TMBIM1: variants seen among roughly 807,000 people sequenced by gnomAD.
TMBIM1 encodes the protein protein lifeguard 3.
A neutral mutation model predicts 45.1 loss-of-function variants in TMBIM1; 34 were observed. The observed-to-expected ratio is 0.75, with a 90% CI of 0.57 to 1.00. The LOEUF (loss-of-function observed/expected upper bound fraction) is 1.00, where lower values mean the gene tolerates loss of function less well. Among genes scored for constraint, TMBIM1 ranks in the 50% least tolerant of loss-of-function variants. The pLI, the probability that TMBIM1 is intolerant of heterozygous loss-of-function variation, is 0.00. For missense variants in TMBIM1, 374 were observed against 402.4 expected (o/e 0.93, Z 0.60); for synonymous variants, 157 against 153.5 (o/e 1.02, Z -0.17).
chr2:218,277,406 A>G lies in TMBIM1; in HGVS notation c.599T>C (p.Val200Ala). The G allele has an allele frequency of 6.2e-7, 1 of 1,614,170 alleles. No homozygotes were observed. Among genetic ancestry groups the G allele is most frequent in the Non-Finnish European group, 8.5e-7 (1 of 1,180,038 alleles). Residue 200 changes from valine to alanine, a missense_variant, in exon 9 of 12, where the codon GTG becomes GCG. Val to Ala is a moderately conservative substitution (Grantham distance 64). Transcript: ENST00000258412. ...AVIIAMIITA[V>A]VSISVTIFCF... ...GAAGATGGTGACTGAAATGGATACC[A>G]CCGCAGTGATGATCATTGCAATGAT...
Position 218,277,423 on chromosome 2 carries a change from T to C in TMBIM1, c.582A>G (p.Ala194=), listed in dbSNP as rs984137348. The change falls in exon 9 of 12, where the codon GCA becomes GCG. Residue 194 remains alanine (A), a synonymous_variant. Transcript: ENST00000258412. ...TGGATACCACCGCAGTGATGATCAT[T>C]GCAATGATGACGGCTTTGGTTTGGT... ...SMYQTKAVII[A]MIITAVVSIS... The C allele has an allele frequency of 3.7e-6, 6 of 1,614,040 alleles. No homozygotes were observed. The Admixed American group carries it at 5.0e-5, about 13-fold the overall frequency.
intron 6 of TMBIM1, 166 bp from the exon 7 acceptor site, chr2:218,278,140 G>A: frequency 2.9e-6 from 2 of 690,280 alleles, no homozygotes; most frequent in Admixed American, 2.7e-5. Context: ...TGGTACGCAG[G>A]GACAACATGG....
chr2:218,276,716 C>T (rs1292532426), intron 10 of TMBIM1, among the ~76,000 whole-genome samples: 1 of 152,228 alleles, frequency 6.6e-6, no homozygotes, highest in African/African-American at 2.4e-5. Flanking sequence ...CCTCCGAGAA[C>T]CTGATTCTCA....
Position 218,280,089 on chromosome 2 carries a change from CACT to C in TMBIM1, c.237_239del (p.Val80del). ...ACTCTCCAGGCCCGAAGCTATCACT[CACT>C]GCTCTCTCCTCCCCATCATAGCCAT... On this transcript the variant is annotated inframe_deletion, in exon 3 of 12. Transcript: ENST00000258412. 1.2e-6 allele frequency: 2 copies of C among 1,614,170 alleles called. No individual in the cohort carries two copies. The highest frequency in any genetic ancestry group is 8.5e-7 in the Non-Finnish European group (1 of 1,179,990).
rs1285133898 is a variant in TMBIM1 at position 218,274,997 on chromosome 2, CTA to C, written c.*476_*477del. The C allele has an allele frequency of 1.3e-5, 2 of 153,988 alleles. No individual in the cohort carries two copies. The highest frequency in any genetic ancestry group is 2.9e-5 in the Non-Finnish European group (2 of 68,966). The allele number at this position is 153,988 out of a possible 1,614,324, so 9.5% of individuals were successfully genotyped here. ...AGCCAAAGGAATACAGGATAATGGC[CTA>C]TGTGTCCAGGAGGCCGGGGACAAAG... On this transcript the variant is annotated 3_prime_UTR_variant, in exon 12 of 12. Transcript: ENST00000258412.
intron 7 of TMBIM1, 97 bp from the exon 8 acceptor site, chr2:218,277,767 ACGC>A: frequency 6.4e-7 from 1 of 1,574,468 alleles, no homozygotes; most frequent in Non-Finnish European, 8.7e-7. Flanking sequence ...GAGCTGGGGA[ACGC>A]CACCAAGTTG....
In TMBIM1 at chr2:218,292,135, G is replaced by A. The variant is rs534324271; in HGVS notation, c.-41+331C>T. Among the ~76,000 whole-genome samples, 14 of 152,270 alleles carry A rather than the reference G, an allele frequency of 9.2e-5. No individual in the cohort carries two copies. In the South Asian group the frequency reaches 1.2e-3, roughly 14 times the overall value. On this transcript the variant is annotated intron_variant, in intron 1 of 11. Coordinates refer to ENST00000258412, the MANE Select transcript of TMBIM1 (RefSeq NM_022152.6). The stretch of plus-strand genomic sequence containing the variant: ...GGCTGGCATGGTGGATAGGCCCTGC[G>A]ACAGAGAGGCCACTCGTGCCCGAAA...
chr2:218,277,619 AT>A lies in TMBIM1; in HGVS notation c.551+13del. 6.2e-7 allele frequency: 1 copy of A among 1,614,208 alleles called. No homozygotes were observed. The highest frequency in any genetic ancestry group is 8.5e-7 in the Non-Finnish European group (1 of 1,180,020). ...ACACATTTCCCAAGAGTGGTGCTTT[AT>A]CCCTGAATGTACCTGGAAATGGTGC... is the stretch of plus-strand genomic sequence containing the variant. On this transcript the variant is annotated intron_variant, in intron 8 of 11. Coordinates refer to ENST00000258412, the MANE Select transcript of TMBIM1 (RefSeq NM_022152.6).
chr2:218,283,742 A>G (rs1014477916), intron 1 of TMBIM1, among the ~76,000 whole-genome samples: 9 of 152,168 alleles, frequency 5.9e-5, no homozygotes, highest in African/African-American at 2.2e-4. Flanking sequence ...AGAGAGGGGA[A>G]GGTGGCAGGG....
Position 218,280,114 on chromosome 2 carries a change from C to T in TMBIM1, c.215G>A (p.Gly72Asp), listed in dbSNP as rs767038598. The T allele has an allele frequency of 1.9e-6, 3 of 1,614,000 alleles. No individual in the cohort carries two copies. Among genetic ancestry groups the T allele is most frequent in the South Asian group, 2.2e-5 (2 of 91,074 alleles). The change falls in exon 3 of 12, where the codon GGC becomes GAC. Residue 72 changes from glycine to aspartate, a missense_variant. Transcript: ENST00000258412. ...CACTGCTCTCTCCTCCCCATCATAG[C>T]CATGGCCTGGGCCTAGGGACAGATG... ...PMPMNYGPGH[G>D]YDGEERAVSD...
chr2:218,288,388 C>T (rs1229622409), intron 1 of TMBIM1, among the ~76,000 whole-genome samples: 1 of 152,160 alleles, frequency 6.6e-6, no homozygotes, highest in Non-Finnish European at 1.5e-5. Flanking sequence ...AAAATGGCGC[C>T]ACTGCACTCC....
chr2:218,279,440 C>T lies in TMBIM1; in HGVS notation c.304-87G>A, dbSNP rs1162356733. On this transcript the variant is annotated intron_variant, in intron 3 of 11. Coordinates refer to ENST00000258412, the MANE Select transcript of TMBIM1 (RefSeq NM_022152.6). The stretch of plus-strand genomic sequence containing the variant: ...GCCAGCCCCCAGTACTTTCCTCCCA[C>T]TCAAGAACCCTCCCTAGCTGCAGCC... The T allele has an allele frequency of 5.7e-6, 7 of 1,225,880 alleles. No homozygotes were observed. In the East Asian group the frequency reaches 1.5e-4, roughly 27 times the overall value. 75.9% of individuals were successfully genotyped at this position (1,225,880 alleles called of 1,614,324 possible).
intron 11 of TMBIM1, 49 bp downstream of exon 11, chr2:218,275,977 C>T (rs1292059680): frequency 1.9e-6 from 3 of 1,582,938 alleles, no homozygotes; most frequent in African/African-American, 1.3e-5. Context: ...CCCTAGATTC[C>T]TCCCCTCATC....
chr2:218,290,879 A>G (rs879833993), intron 1 of TMBIM1, among the ~76,000 whole-genome samples: 5 of 152,222 alleles, frequency 3.3e-5, no homozygotes, highest in Non-Finnish European at 7.3e-5. Context: ...CAGAAGGCCC[A>G]TGTCATGATC....
intron 1 of TMBIM1, among the ~76,000 whole-genome samples, 181 bp downstream of exon 1, chr2:218,292,285 G>T (rs535112081): frequency 3.1e-4 from 47 of 152,218 alleles, no homozygotes; most frequent in South Asian, 8.3e-4. Context: ...CAGGGAGAGC[G>T]AAACGCCAAG....
chr2:218,279,498 C>T, intron 3 of TMBIM1, 145 bp from the exon 4 acceptor site: 1 of 632,556 alleles, frequency 1.6e-6, no homozygotes, highest in Middle Eastern at 4.4e-4. Flanking sequence ...AGATGCCTGG[C>T]TCAGAGGCAA....
intron 10 of TMBIM1, among the ~76,000 whole-genome samples, chr2:218,276,317 G>A (rs1223798531): frequency 2.0e-5 from 3 of 152,168 alleles, no homozygotes. Flanking sequence ...AGCCAGTCAA[G>A]GTACACAAGT....
rs2106184619 is a variant in TMBIM1 at position 218,275,241 on chromosome 2, C to T, written c.*234G>A. 1 of 449,018 alleles carries T rather than the reference C, an allele frequency of 2.2e-6. No individual in the cohort carries two copies. Among genetic ancestry groups the T allele is most frequent in the East Asian group, 3.7e-5 (1 of 26,812 alleles). The allele number at this position is 449,018 out of a possible 1,614,324, so 27.8% of individuals were successfully genotyped here. On this transcript the variant is annotated 3_prime_UTR_variant, in exon 12 of 12. Transcript: ENST00000258412. ...TGGCGGGGAGAAGACACATCTTCAG[C>T]CTAGTCCCTGCCAAGCCCACCAAGA...
rs1348085775 is a variant in TMBIM1 at position 218,279,107 on chromosome 2, G to A, written c.369-16C>T. On this transcript the variant is annotated splice_polypyrimidine_tract_variant and intron_variant, in intron 4 of 11. Transcript: ENST00000258412. ...GACAGGTTCCCTGTGGGGCACAGGAGGACAGGAGTAGTCACCCTGAGGCTT... is the reference window on the plus strand; with the variant it reads ...GACAGGTTCCCTGTGGGGCACAGGAAGACAGGAGTAGTCACCCTGAGGCTT... The A allele has an allele frequency of 1.2e-6, 2 of 1,613,908 alleles. No individual in the cohort carries two copies. The highest frequency in any genetic ancestry group is 1.3e-5 in the African/African-American group (1 of 74,900).
Sources: allele counts gnomAD v4.1 joint callset (sites outside exome capture counted in the v4.1 genomes callset), GRCh38; gene constraint gnomAD v4.1.1; transcripts MANE v1.5; gene names NCBI Gene and HGNC (gene_info 2026-07-23, HGNC 2026-07-21).